Variants in CEP350 observed in about 807,000 individuals in gnomAD.
The protein encoded by CEP350 is centrosome-associated protein 350.
A neutral mutation model predicts 331.8 loss-of-function variants in CEP350; 126 were observed. That is an observed-to-expected ratio of 0.38 (90% CI 0.33 to 0.44). CEP350 has a LOEUF of 0.44. Ranked by LOEUF, CEP350 falls within the 20% of genes least tolerant of loss-of-function variation. The probability of loss-of-function intolerance (pLI) is 1.00; values close to 1 mark genes in which losing one functional copy is unlikely to be tolerated. For synonymous variants in CEP350, 1,200 were observed against 1,259.5 expected, an observed-to-expected ratio of 0.95 and a Z score of 1.00; for missense variants, 3,406 against 3,634.6, an observed-to-expected ratio of 0.94 and a Z score of 1.62.
In CEP350 at chr1:180,092,874, G is replaced by A; in HGVS notation, c.6769G>A (p.Glu2257Lys). The A allele has an allele frequency of 6.4e-7, 1 of 1,565,846 alleles. No individual in the cohort carries two copies. Among genetic ancestry groups the A allele is most frequent in the Non-Finnish European group, 8.7e-7 (1 of 1,154,170 alleles). The change falls in exon 34 of 38, where the codon GAA becomes AAA. Residue 2257 changes from glutamate (E) to lysine (K), a missense_variant. Glu to Lys is a moderately conservative substitution (Grantham distance 56). This residue lies in a region of CEP350 where 1,415 missense variants were observed against 1,512.3 expected (regional missense o/e 0.94). Coordinates refer to ENST00000367607, the MANE Select transcript of CEP350 (RefSeq NM_014810.5). Reference protein sequence around the residue: ...GKVGESSKKSEIKEIEYTKLK... With the variant: ...GKVGESSKKSKIKEIEYTKLK... Reference sequence around the variant, plus strand: ...GGTTGGAGAATCTAGTAAAAAATCAGAAATAAAAGAAATAGAGTATACAAA... The same window carrying A: ...GGTTGGAGAATCTAGTAAAAAATCAAAAATAAAAGAAATAGAGTATACAAA...
At chr1:179,968,741 T>C in intron 1 of CEP350, 2 of 603,036 alleles carry the variant, frequency 3.3e-6, no homozygotes, top group South Asian at 2.7e-5. Flanking sequence ...AGCCTTGACT[T>C]CCAAATGGAA....
At chr1:180,040,417 C>T (rs1416543484) in intron 17 of CEP350, among the ~76,000 whole-genome samples, 3 of 151,960 alleles carry the variant, frequency 2.0e-5, no homozygotes, top group Admixed American at 6.6e-5. Context: ...TACATACAGC[C>T]TTACCACCAT....
chr1:179,979,597 G>A lies in CEP350; in HGVS notation c.-13-6572G>A, dbSNP rs993735395. Among the ~76,000 whole-genome samples, 28 of 151,464 alleles carry A rather than the reference G, an allele frequency of 1.8e-4. 1 individual carries two copies. The highest frequency in any genetic ancestry group is 7.2e-4 in the Admixed American group (11 of 15,198). On this transcript the variant is annotated intron_variant, in intron 1 of 37. Coordinates refer to ENST00000367607, the MANE Select transcript of CEP350 (RefSeq NM_014810.5). Reference sequence around the variant, plus strand: ...TGCTTTTGTTGCTTGTGCTTTTGGGGGTCTTGTTCATAAAATCTTTTACTA... The same window carrying A: ...TGCTTTTGTTGCTTGTGCTTTTGGGAGTCTTGTTCATAAAATCTTTTACTA...
chr1:180,068,913 TC>T (rs1265187845), intron 27 of CEP350, among the ~76,000 whole-genome samples: 1 of 152,156 alleles, frequency 6.6e-6, no homozygotes, highest in African/African-American at 2.4e-5. Context: ...AAAGAGAAAT[TC>T]TTACTGACAG....
rs1558155563 is a variant in CEP350 at position 180,093,840 on chromosome 1, G to C, written c.7735G>C (p.Asp2579His). Residue 2579 changes from aspartate (D) to histidine (H), a missense_variant, in exon 34 of 38, where the codon GAT becomes CAT. Physicochemically the swap from Asp to His is moderately conservative, Grantham distance 81. Coordinates refer to ENST00000367607, the MANE Select transcript of CEP350 (RefSeq NM_014810.5). The part of the protein sequence containing the change: ...NFDDYVDINE[D>H]EDCYSDERYQ... Reference sequence around the variant, plus strand: ...TGATGACTATGTAGACATTAATGAAGATGAAGACTGTTACTCAGATGAACG... The same window carrying C: ...TGATGACTATGTAGACATTAATGAACATGAAGACTGTTACTCAGATGAACG... 2 of 1,613,820 alleles carry C rather than the reference G, an allele frequency of 1.2e-6. No homozygotes were observed. Among genetic ancestry groups the C allele is most frequent in the Non-Finnish European group, 1.7e-6 (2 of 1,179,846 alleles).
chr1:180,020,907 A>C lies in CEP350; in HGVS notation c.3133A>C (p.Ile1045Leu). 1.9e-6 allele frequency: 3 copies of C among 1,613,124 alleles called. No individual in the cohort carries two copies. The South Asian group carries it at 3.3e-5, about 18-fold the overall frequency. ...AAAATTCTTGCCACTTTTTGGGCACATAGGTGGTACACAAAGCAAAGGACC... is the reference window on the plus strand; with the variant it reads ...AAAATTCTTGCCACTTTTTGGGCACCTAGGTGGTACACAAAGCAAAGGACC... ...AEKFLPLFGH[I>L]GGTQSKGPWE... Residue 1045 changes from isoleucine (I) to leucine (L), a missense_variant, in exon 12 of 38, where the codon ATA (isoleucine) becomes CTA (leucine). Ile to Leu is a conservative substitution (Grantham distance 5). Coordinates refer to ENST00000367607, the MANE Select transcript of CEP350 (RefSeq NM_014810.5).
In CEP350 at chr1:179,995,799, C is replaced by A. The variant is rs113654048; in HGVS notation, c.396-754C>A. The stretch of plus-strand genomic sequence containing the variant: ...ATACGCTTTACAAAGTTTGAAGCTG[C>A]CAAAAAGTACTTTGTGGTTAACAGA... On this transcript the variant is annotated intron_variant, in intron 5 of 37. Coordinates refer to ENST00000367607, the MANE Select transcript of CEP350 (RefSeq NM_014810.5). 1.0e-2 allele frequency among the ~76,000 whole-genome samples: 1,518 copies of A among 152,224 alleles called. 27 individuals are homozygous for A. The highest frequency in any genetic ancestry group is 0.033 in the African/African-American group (1,351 of 41,526).
chr1:180,030,136 G>T (rs1655918857), intron 14 of CEP350, among the ~76,000 whole-genome samples: 1 of 150,512 alleles, frequency 6.6e-6, no homozygotes, highest in South Asian at 2.1e-4. Flanking sequence ...AGTATAAAGG[G>T]TATTTTTTAT....
chr1:179,992,049 C>T lies in CEP350; in HGVS notation c.236-13C>T, dbSNP rs769759726. 5.9e-6 allele frequency: 9 copies of T among 1,513,886 alleles called. No individual in the cohort carries two copies. Among genetic ancestry groups the T allele is most frequent in the South Asian group, 4.0e-5 (3 of 74,650 alleles). 93.8% of individuals were successfully genotyped at this position (1,513,886 alleles called of 1,614,324 possible). On this transcript the variant is annotated splice_polypyrimidine_tract_variant and intron_variant, in intron 4 of 37. Coordinates refer to ENST00000367607, the MANE Select transcript of CEP350 (RefSeq NM_014810.5). ...TTATATTATATGTTCTCACAGATTTCCTTTTCCTTCAGATGGTAGATACCT... is the reference window on the plus strand; with the variant it reads ...TTATATTATATGTTCTCACAGATTTTCTTTTCCTTCAGATGGTAGATACCT...
chr1:179,987,220 A>T lies in CEP350; in HGVS notation c.74-20A>T. 1 of 1,390,158 alleles carries T rather than the reference A, an allele frequency of 7.2e-7. No individual in the cohort carries two copies. Among genetic ancestry groups the T allele is most frequent in the African/African-American group, 1.4e-5 (1 of 70,062 alleles). 86.1% of individuals were successfully genotyped at this position (1,390,158 alleles called of 1,614,324 possible). ...GAGATTCTGGTTGATTGATAAAGTAAATATCATTTTTTTTCCCAGCAGATA... is the reference window on the plus strand; with the variant it reads ...GAGATTCTGGTTGATTGATAAAGTATATATCATTTTTTTTCCCAGCAGATA... On this transcript the variant is annotated intron_variant, in intron 2 of 37. Transcript: ENST00000367607.
intron 25 of CEP350, among the ~76,000 whole-genome samples, chr1:180,060,735 A>G (rs1658173063): frequency 6.6e-6 from 1 of 152,228 alleles, no homozygotes; most frequent in African/African-American, 2.4e-5. Context: ...GCAGCATTAA[A>G]AGGCGTAAAT....
intron 34 of CEP350, 151 bp downstream of exon 34, chr1:180,094,767 C>A: frequency 2.2e-6 from 1 of 445,528 alleles, no homozygotes; most frequent in Non-Finnish European, 3.0e-6. Flanking sequence ...GATCACTGTA[C>A]TGGTTTTTAA....
chr1:180,027,755 T>C (rs1162953406), intron 14 of CEP350, among the ~76,000 whole-genome samples: 1 of 152,228 alleles, frequency 6.6e-6, no homozygotes, highest in Non-Finnish European at 1.5e-5. Flanking sequence ...TTTTCTTTTT[T>C]CTTTATTCCA....
intron 18 of CEP350, 52 bp from the exon 19 acceptor site, chr1:180,041,610 G>T: frequency 3.4e-6 from 5 of 1,490,668 alleles, no homozygotes; most frequent in Non-Finnish European, 4.6e-6. Flanking sequence ...ATTAATTCAG[G>T]AGGAGGGGAG....
intron 1 of CEP350, among the ~76,000 whole-genome samples, chr1:179,975,639 GAT>G (rs531108223): frequency 1.3e-5 from 2 of 152,076 alleles, no homozygotes; most frequent in Non-Finnish European, 2.9e-5. Context: ...ACGTGGGAGA[GAT>G]AGGAATGTCA....
intron 3 of CEP350, among the ~76,000 whole-genome samples, chr1:179,988,642 G>GTGA (rs1320044277): frequency 6.6e-6 from 1 of 151,852 alleles, no homozygotes; most frequent in Non-Finnish European, 1.5e-5. Flanking sequence ...AATTTGGCAG[G>GTGA]TGATGCATAG....
At chr1:180,106,945 T>C (rs1661180949) in intron 37 of CEP350, among the ~76,000 whole-genome samples, 1 of 152,200 alleles carries the variant, frequency 6.6e-6, no homozygotes, top group Admixed American at 6.5e-5. Flanking sequence ...TTCCTTCATC[T>C]TGTTAAATGT....
At chr1:180,087,535 T>A in intron 31 of CEP350, 43 bp from the exon 32 acceptor site, 1 of 1,478,332 alleles carries the variant, frequency 6.8e-7, no homozygotes, top group Non-Finnish European at 9.0e-7. Context: ...AAATAAGTTT[T>A]AAAAATTCTG....
chr1:180,086,057 G>C (rs1291815856), intron 31 of CEP350: 4 of 152,178 alleles, frequency 2.6e-5, no homozygotes, highest in African/African-American at 9.7e-5. Flanking sequence ...TTTAAATTCT[G>C]TGGCTTTACC....
Sources: allele counts gnomAD v4.1 joint callset (sites outside exome capture counted in the v4.1 genomes callset), GRCh38; gene constraint gnomAD v4.1.1; regional missense constraint gnomAD v4.1.1; transcripts MANE v1.5; gene names NCBI Gene and HGNC (gene_info 2026-07-23, HGNC 2026-07-21).